FRAS1: variants seen among roughly 807,000 people sequenced by gnomAD.
The protein encoded by FRAS1 is extracellular matrix organizing protein FRAS1.
A neutral mutation model predicts 435.2 loss-of-function variants in FRAS1; 290 were observed. The ratio of observed to expected loss-of-function variants is 0.67; its 90% CI spans 0.61 to 0.73. FRAS1 has a LOEUF of 0.73. FRAS1 is among the 30% of genes least tolerant of loss of function. The pLI, the probability that FRAS1 is intolerant of heterozygous loss-of-function variation, is 0.00. For synonymous variants in FRAS1, 1,800 were observed against 1,851.0 expected, an observed-to-expected ratio of 0.97 and a Z score of 0.71; for missense variants, 4,860 against 5,001.5, an observed-to-expected ratio of 0.97 and a Z score of 0.85.
chr4:78,270,474 T>C (rs1726608064), intron 9 of FRAS1, among the ~76,000 whole-genome samples: 1 of 152,148 alleles, frequency 6.6e-6, no homozygotes, highest in Non-Finnish European at 1.5e-5. Context: ...TACCCTCTTC[T>C]GTGTATTTTG....
In FRAS1 at chr4:78,400,762, A is replaced by G. The variant is rs766384246; in HGVS notation, c.4004A>G (p.Asn1335Ser). ...QNDRGLQLVA[N>S]SMVWVPEGGM... is the part of the protein sequence containing the mutation. ...GACAGGGGTCTTCAGCTTGTGGCTA[A>G]TTCGATGGTGTGGGTTCCAGAAGGG... is the stretch of plus-strand genomic sequence containing the variant. Residue 1335 changes from asparagine (N) to serine (S), a missense_variant, in exon 30 of 74, where the codon AAT (asparagine) becomes AGT (serine). Physicochemically the swap from Asn to Ser is conservative, Grantham distance 46. Transcript: ENST00000512123. 2 of 1,613,060 alleles carry G rather than the reference A, an allele frequency of 1.2e-6. No individual in the cohort carries two copies. The highest frequency in any genetic ancestry group is 1.7e-5 in the Admixed American group (1 of 59,856).
intron 32 of FRAS1, among the ~76,000 whole-genome samples, chr4:78,416,908 C>A (rs10049667): frequency 0.26 from 39,406 of 151,628 alleles, 5,736 homozygotes; most frequent in African/African-American, 0.39. Flanking sequence ...GTGGGGTGGG[C>A]GAAACAGTTG....
intron 54 of FRAS1, among the ~76,000 whole-genome samples, chr4:78,476,650 C>T (rs998042000): frequency 3.3e-5 from 5 of 151,876 alleles, no homozygotes; most frequent in African/African-American, 1.2e-4. Context: ...AATGATAAGA[C>T]GGAGGATATT....
At chr4:78,075,855 A>G (rs1443500067) in intron 2 of FRAS1, among the ~76,000 whole-genome samples, 1 of 152,168 alleles carries the variant, frequency 6.6e-6, no homozygotes, top group African/African-American at 2.4e-5. Flanking sequence ...GGATCAGTAT[A>G]AGTAAACGCA....
chr4:78,178,589 G>A (rs1251743644), intron 2 of FRAS1, among the ~76,000 whole-genome samples: 1 of 152,174 alleles, frequency 6.6e-6, no homozygotes, highest in Non-Finnish European at 1.5e-5. Flanking sequence ...CTGAGCAGCT[G>A]AGATCTTAAT....
chr4:78,178,415 T>C (rs1339643796), intron 2 of FRAS1, among the ~76,000 whole-genome samples: 3 of 152,228 alleles, frequency 2.0e-5, no homozygotes, highest in Admixed American at 6.5e-5. Context: ...TAGATGTTGA[T>C]ACATGAAGTA....
rs139392603 is a variant in FRAS1, at chr4:78,427,221, A to T, written c.4712-1874A>T. Among the ~76,000 whole-genome samples, 248 of 152,276 alleles carry T rather than the reference A, an allele frequency of 1.6e-3. 1 individual carries two copies. Among genetic ancestry groups the T allele is most frequent in the Middle Eastern group, 3.4e-3 (1 of 294 alleles). On this transcript the variant is annotated intron_variant, in intron 35 of 73. Coordinates refer to ENST00000512123, the MANE Select transcript of FRAS1 (RefSeq NM_025074.7). ...TGGCTTTCTAAAAAGAGAACAAGAG[A>T]CTTAAAATCACAAGCTCAGCCCCCT...
chr4:78,168,212 T>C (rs1292268568), intron 2 of FRAS1, among the ~76,000 whole-genome samples: 3 of 151,970 alleles, frequency 2.0e-5, no homozygotes, highest in African/African-American at 7.2e-5. Context: ...CTAATGCCCT[T>C]TGTAGAGCTC....
chr4:78,387,863 C>A (rs1346298683), intron 29 of FRAS1, among the ~76,000 whole-genome samples, 162 bp downstream of exon 29: 1 of 152,032 alleles, frequency 6.6e-6, no homozygotes, highest in Non-Finnish European at 1.5e-5. Context: ...TTAGGAGCAC[C>A]CTTGATCTGA....
chr4:78,192,722 A>T (rs1454634219), intron 2 of FRAS1, among the ~76,000 whole-genome samples: 1 of 152,182 alleles, frequency 6.6e-6, no homozygotes, highest in Non-Finnish European at 1.5e-5. Flanking sequence ...TCAAAAAACC[A>T]GCTCCTGGAT....
chr4:78,313,047 A>G (rs1729097789), intron 15 of FRAS1, among the ~76,000 whole-genome samples: 1 of 152,118 alleles, frequency 6.6e-6, no homozygotes, highest in Admixed American at 6.5e-5. Context: ...TTGATATGCA[A>G]TGCTTTTATT....
chr4:78,460,851 A>C (rs991959852), intron 47 of FRAS1, among the ~76,000 whole-genome samples: 2 of 152,246 alleles, frequency 1.3e-5, no homozygotes, highest in Non-Finnish European at 2.9e-5. Context: ...TAGTTGACCA[A>C]AACTGAAATG....
intron 47 of FRAS1, among the ~76,000 whole-genome samples, chr4:78,453,101 G>A (rs1242485553): frequency 6.6e-6 from 1 of 152,184 alleles, no homozygotes; most frequent in Non-Finnish European, 1.5e-5. Context: ...TGGGGCTCAT[G>A]GATAGATTGA....
chr4:78,264,779 G>A (rs1298551666), intron 6 of FRAS1: 1 of 551,478 alleles, frequency 1.8e-6, no homozygotes, highest in South Asian at 1.8e-5. Flanking sequence ...ATTGTTATTT[G>A]TGCTTTTCTT....
At chr4:78,194,753 A>T (rs1469321715) in intron 2 of FRAS1, among the ~76,000 whole-genome samples, 1 of 152,036 alleles carries the variant, frequency 6.6e-6, no homozygotes, top group Non-Finnish European at 1.5e-5. Context: ...TGACCATCTG[A>T]AGTCTTCTTC....
chr4:78,323,336 T>C (rs1390905982), intron 18 of FRAS1, among the ~76,000 whole-genome samples: 2 of 152,220 alleles, frequency 1.3e-5, no homozygotes, highest in Non-Finnish European at 2.9e-5. Flanking sequence ...GTAATTGTAG[T>C]AATTTCATCA....
chr4:78,537,160 T>G lies in FRAS1; in HGVS notation c.11258T>G (p.Ile3753Ser). ...AATGAAGGGCCCCAGTATGGATGCA[T>G]TCAGCCAAACAAACACCTAAAACAC... ...IYNEGPQYGCIQPNKHLKHRF... is the reference protein window; with the variant it reads ...IYNEGPQYGCSQPNKHLKHRF... Residue 3753 changes from isoleucine to serine, a missense_variant, in exon 72 of 74, where the codon ATT (isoleucine) becomes AGT (serine). Ile to Ser is a moderately radical substitution (Grantham distance 142, BLOSUM62 -2). Coordinates refer to ENST00000512123, the MANE Select transcript of FRAS1 (RefSeq NM_025074.7). The G allele has an allele frequency of 6.2e-7, 1 of 1,614,026 alleles. No homozygotes were observed.
intron 20 of FRAS1, among the ~76,000 whole-genome samples, chr4:78,346,297 C>T (rs1481780755): frequency 2.6e-5 from 4 of 152,218 alleles, no homozygotes; most frequent in Non-Finnish European, 4.4e-5. Flanking sequence ...TGTGCCAGTT[C>T]ATCACATATA....
intron 13 of FRAS1, among the ~76,000 whole-genome samples, chr4:78,285,278 T>C (rs1727530360): frequency 6.7e-6 from 1 of 150,356 alleles, no homozygotes; most frequent in Admixed American, 6.6e-5. Flanking sequence ...GAGAATCTCT[T>C]GAACCCTGGA....
Sources: allele counts gnomAD v4.1 joint callset (sites outside exome capture counted in the v4.1 genomes callset), GRCh38; gene constraint gnomAD v4.1.1; transcripts MANE v1.5; gene names NCBI Gene and HGNC (gene_info 2026-07-23, HGNC 2026-07-21).